Variants in PDSS2 observed in about 807,000 individuals in gnomAD.
PDSS2 encodes the protein all trans-polyprenyl-diphosphate synthase PDSS2.
PDSS2 carries 31 observed loss-of-function variants against 44.5 expected under a neutral mutation model. The ratio of observed to expected loss-of-function variants is 0.70; its 90% CI spans 0.52 to 0.94. The LOEUF (loss-of-function observed/expected upper bound fraction) is 0.94, where lower values mean the gene tolerates loss of function less well. Among genes scored for constraint, PDSS2 ranks in the 40% least tolerant of loss-of-function variants. PDSS2 has a pLI of 0.00. For missense variants in PDSS2, 452 were observed against 482.2 expected, an observed-to-expected ratio of 0.94 and a Z score of 0.59; for synonymous variants, 157 against 180.3, an observed-to-expected ratio of 0.87 and a Z score of 1.03.
At chr6:107,346,402 T>A (rs572084041) in intron 1 of PDSS2, among the ~76,000 whole-genome samples, 1 of 152,356 alleles carries the variant, frequency 6.6e-6, no homozygotes, top group South Asian at 2.1e-4. Context: ...ATCAGGATAC[T>A]GAGGCTCATA....
intron 5 of PDSS2, among the ~76,000 whole-genome samples, chr6:107,211,542 C>T (rs570700137): frequency 2.0e-5 from 3 of 151,814 alleles, no homozygotes; most frequent in Admixed American, 1.3e-4. Context: ...CCATCCTGAC[C>T]AACATGGTGA....
At chr6:107,264,441 T>A (rs747270612) in intron 3 of PDSS2, 1 of 1,549,506 alleles carries the variant, frequency 6.5e-7, no homozygotes, top group South Asian at 1.2e-5. Context: ...CTCTTGGGTG[T>A]TTAGACAAGA....
At chr6:107,363,433 T>A (rs1778846390) in intron 1 of PDSS2, among the ~76,000 whole-genome samples, 5 of 151,952 alleles carry the variant, frequency 3.3e-5, no homozygotes. Flanking sequence ...GGCTCAGGAG[T>A]GAAGCTGCAG....
chr6:107,215,998 G>C (rs1195876539), intron 4 of PDSS2, among the ~76,000 whole-genome samples: 1 of 151,754 alleles, frequency 6.6e-6, no homozygotes, highest in African/African-American at 2.4e-5. Flanking sequence ...TTAGTTGGGT[G>C]TGGTGTCTTG....
chr6:107,389,733 G>C (rs1397572194), intron 1 of PDSS2, among the ~76,000 whole-genome samples: 2 of 152,116 alleles, frequency 1.3e-5, no homozygotes, highest in African/African-American at 2.4e-5. Context: ...TCTGTGGAGA[G>C]GGCCTAGGAA....
chr6:107,302,225 G>A (rs544429501), intron 2 of PDSS2, among the ~76,000 whole-genome samples: 2 of 151,594 alleles, frequency 1.3e-5, no homozygotes, highest in South Asian at 2.1e-4. Flanking sequence ...TGTAGGATCC[G>A]ATTGTTTAAA....
intron 7 of PDSS2, among the ~76,000 whole-genome samples, chr6:107,165,963 G>A (rs1385411378): frequency 2.0e-5 from 3 of 151,866 alleles, no homozygotes; most frequent in Non-Finnish European, 4.4e-5. Context: ...TTGGCTCTCT[G>A]TTTGTCTGTT....
At chr6:107,239,261 A>C (rs1350732319) in intron 4 of PDSS2, among the ~76,000 whole-genome samples, 1 of 152,042 alleles carries the variant, frequency 6.6e-6, no homozygotes, top group Non-Finnish European at 1.5e-5. Flanking sequence ...TGGATGACAG[A>C]GAGAGACTCC....
At chr6:107,186,587 T>C (rs1237763667) in intron 7 of PDSS2, among the ~76,000 whole-genome samples, 1 of 152,150 alleles carries the variant, frequency 6.6e-6, no homozygotes, top group Non-Finnish European at 1.5e-5. Flanking sequence ...ATTGACCCGC[T>C]CTCTAAGTTC....
At chr6:107,326,555 T>TA (rs1478593802) in intron 2 of PDSS2, among the ~76,000 whole-genome samples, 10 of 152,114 alleles carry the variant, frequency 6.6e-5, no homozygotes, top group Non-Finnish European at 1.5e-4. Flanking sequence ...GGTAATAAGA[T>TA]AAAAATAGTT....
At chr6:107,207,423 T>G (rs1773019515) in intron 6 of PDSS2, among the ~76,000 whole-genome samples, 1 of 152,110 alleles carries the variant, frequency 6.6e-6, no homozygotes. Flanking sequence ...GAAAGAGAAC[T>G]AATTTCAGGA....
intron 1 of PDSS2, among the ~76,000 whole-genome samples, chr6:107,354,539 C>A (rs1452789059): frequency 6.6e-6 from 1 of 152,186 alleles, no homozygotes; most frequent in Non-Finnish European, 1.5e-5. Context: ...CTAAAAGAAG[C>A]CAAGAAACTA....
chr6:107,299,146 CAA>C lies in PDSS2; in HGVS notation c.432-24921_432-24920del, dbSNP rs71991148. The stretch of plus-strand genomic sequence containing the variant: ...TGGGTGACAAAGTGAGACCCTGTCT[CAA>C]AAAAAAAAAAAAAAAAAAAAAGAAA... On this transcript the variant is annotated intron_variant, in intron 2 of 7. Transcript: ENST00000369037. Among the ~76,000 whole-genome samples the C allele has an allele frequency of 0.014, 744 of 53,424 alleles. 14 individuals are homozygous for C. In the East Asian group the frequency reaches 0.25, roughly 18 times the overall value. 35.0% of individuals were successfully genotyped at this position (53,424 alleles called of 152,430 possible).
chr6:107,332,460 T>C (rs1023282763), intron 2 of PDSS2, among the ~76,000 whole-genome samples: 1 of 152,196 alleles, frequency 6.6e-6, no homozygotes, highest in African/African-American at 2.4e-5. Context: ...AGGATGTAGA[T>C]GTACTAAAGA....
rs547060621 is a variant in PDSS2, at chr6:107,387,802, T to C, written c.297-53470A>G. 7.2e-5 allele frequency among the ~76,000 whole-genome samples: 11 copies of C among 152,330 alleles called. 1 individual carries two copies. The South Asian group carries it at 1.2e-3, about 17-fold the overall frequency. On this transcript the variant is annotated intron_variant, in intron 1 of 7. Transcript: ENST00000369037. ...GCAATGATTTCATTTTCTCCATCTC[T>C]TGAGATGCTAGGAAAGGTCCAAATT...
intron 2 of PDSS2, among the ~76,000 whole-genome samples, chr6:107,289,184 C>T (rs373614225): frequency 6.0e-5 from 9 of 151,106 alleles, no homozygotes; most frequent in African/African-American, 2.2e-4. Context: ...ACCAGTCTGG[C>T]CAACATGGTG....
At chr6:107,209,165 T>C (rs1387740586) in intron 6 of PDSS2, among the ~76,000 whole-genome samples, 1 of 152,216 alleles carries the variant, frequency 6.6e-6, no homozygotes, top group Non-Finnish European at 1.5e-5. Context: ...TTGCATTGTC[T>C]CTATTTCCGC....
At chr6:107,346,351 T>C (rs1778248455) in intron 1 of PDSS2, among the ~76,000 whole-genome samples, 1 of 152,226 alleles carries the variant, frequency 6.6e-6, no homozygotes, top group Non-Finnish European at 1.5e-5. Context: ...TCATCTAACC[T>C]GACAACTGTC....
At chr6:107,358,288 T>C (rs1778651932) in intron 1 of PDSS2, among the ~76,000 whole-genome samples, 1 of 152,112 alleles carries the variant, frequency 6.6e-6, no homozygotes. Flanking sequence ...CTCAAAAAAA[T>C]CCAAAATCCA....
Sources: allele counts gnomAD v4.1 joint callset (sites outside exome capture counted in the v4.1 genomes callset), GRCh38; gene constraint gnomAD v4.1.1; transcripts MANE v1.5; gene names NCBI Gene and HGNC (gene_info 2026-07-23, HGNC 2026-07-21).